NDC1: variants seen among roughly 807,000 people sequenced by gnomAD.
The protein encoded by NDC1 is NDC1 transmembrane nucleoporin, also known as nucleoporin NDC1.
In NDC1, 24 loss-of-function variants were observed where a neutral mutation model predicts 89.8. The observed-to-expected ratio is 0.27, with a 90% CI of 0.19 to 0.38. NDC1 has a LOEUF of 0.38. NDC1 is among the 10% of genes least tolerant of loss of function. The pLI, the probability that NDC1 is intolerant of heterozygous loss-of-function variation, is 1.00. For missense variants in NDC1, 728 were observed against 797.6 expected, an observed-to-expected ratio of 0.91 and a Z score of 1.05; for synonymous variants, 296 against 284.8, an observed-to-expected ratio of 1.04 and a Z score of -0.39.
intron 14 of NDC1, among the ~76,000 whole-genome samples, chr1:53,791,212 G>A (rs991020910): frequency 2.6e-5 from 4 of 152,096 alleles, no homozygotes; most frequent in African/African-American, 4.8e-5. Context: ...GCGGTCAGGA[G>A]ATCGAGACCA....
At chr1:53,791,936 TC>T (rs1208270025) in intron 14 of NDC1, among the ~76,000 whole-genome samples, 1 of 150,804 alleles carries the variant, frequency 6.6e-6, no homozygotes, top group Admixed American at 6.6e-5. Context: ...TGAGTTATTT[TC>T]CCCTTCTTCT....
intron 13 of NDC1, among the ~76,000 whole-genome samples, chr1:53,794,533 G>A (rs1376489822): frequency 6.6e-6 from 1 of 152,056 alleles, no homozygotes; most frequent in Non-Finnish European, 1.5e-5. Context: ...CTATTAATCA[G>A]TCATTCCATC....
At position 53,803,936 on chromosome 1, in the gene NDC1, C is replaced by A. The variant is rs770583868; in HGVS notation, c.1058G>T (p.Ser353Ile). 2 of 1,612,740 alleles carry A rather than the reference C, an allele frequency of 1.2e-6. No homozygotes were observed. The highest frequency in any genetic ancestry group is 2.2e-5 in the East Asian group (1 of 44,866). Residue 353 changes from serine (S) to isoleucine (I), a missense_variant, in exon 10 of 18, where the codon AGC becomes ATC. Coordinates refer to ENST00000371429, the MANE Select transcript of NDC1 (RefSeq NM_018087.5). The part of the protein sequence containing the change: ...PSRRQEVFSL[S>I]QPGGHPHNWT... Reference sequence around the variant, plus strand: ...ATTACTTTTAGCAATACCTGGTTGGCTGAGGCTGAAAACTTCTTGTCTTCG... The same window carrying A: ...ATTACTTTTAGCAATACCTGGTTGGATGAGGCTGAAAACTTCTTGTCTTCG...
At chr1:53,776,277 TC>T (rs1222950275) in intron 16 of NDC1, among the ~76,000 whole-genome samples, 1 of 152,006 alleles carries the variant, frequency 6.6e-6, no homozygotes, top group Non-Finnish European at 1.5e-5. Context: ...TCTTATATGA[TC>T]AATTTCACCA....
intron 16 of NDC1, among the ~76,000 whole-genome samples, chr1:53,784,734 T>C (rs952550455): frequency 6.6e-6 from 1 of 151,660 alleles, no homozygotes; most frequent in African/African-American, 2.4e-5. Flanking sequence ...CAGCTTGCAG[T>C]GAGCTGAGAT....
intron 1 of NDC1, among the ~76,000 whole-genome samples, chr1:53,836,150 T>G (rs1415656353): frequency 6.6e-6 from 1 of 152,196 alleles, no homozygotes; most frequent in African/African-American, 2.4e-5. Flanking sequence ...CAAATTCATG[T>G]TGCTCAAGGT....
intron 11 of NDC1, among the ~76,000 whole-genome samples, chr1:53,800,370 T>C (rs1243296136): frequency 8.6e-6 from 1 of 116,468 alleles, no homozygotes; most frequent in Non-Finnish European, 1.6e-5. Context: ...ACAGTCTCAC[T>C]CTGTCGCCAG....
intron 8 of NDC1, among the ~76,000 whole-genome samples, chr1:53,807,012 C>T (rs1648129935): frequency 6.6e-6 from 1 of 151,762 alleles, no homozygotes; most frequent in Non-Finnish European, 1.5e-5. Flanking sequence ...TTTAAGAGGT[C>T]GAGGACAGAT....
At chr1:53,819,719 T>A (rs1215805394) in intron 5 of NDC1, among the ~76,000 whole-genome samples, 1 of 152,224 alleles carries the variant, frequency 6.6e-6, no homozygotes, top group Admixed American at 6.5e-5. Context: ...TCAAGAATTG[T>A]GAGTTCTAGT....
intron 14 of NDC1, among the ~76,000 whole-genome samples, chr1:53,789,764 A>C (rs1164696169): frequency 1.4e-5 from 2 of 147,998 alleles, no homozygotes; most frequent in Non-Finnish European, 3.0e-5. Flanking sequence ...GCGCCATTGC[A>C]CTCCAGCCTG....
At chr1:53,784,594 C>T (rs1041430854) in intron 16 of NDC1, among the ~76,000 whole-genome samples, 6 of 152,174 alleles carry the variant, frequency 3.9e-5, no homozygotes, top group Non-Finnish European at 8.8e-5. Flanking sequence ...AGATCAAGAT[C>T]GTCCTGGCTA....
chr1:53,804,500 A>G (rs1290512762), intron 9 of NDC1, among the ~76,000 whole-genome samples: 2 of 152,002 alleles, frequency 1.3e-5, no homozygotes, highest in Admixed American at 1.3e-4. Flanking sequence ...TTTTTGAGAC[A>G]AAGTCTCACT....
At chr1:53,816,768 G>GA (rs909987088) in intron 6 of NDC1, among the ~76,000 whole-genome samples, 46 of 150,836 alleles carry the variant, frequency 3.0e-4, no homozygotes, top group Non-Finnish European at 5.0e-4. Flanking sequence ...AAATCAGTAA[G>GA]AAAAAAAACA....
At chr1:53,837,423 A>G (rs1388074912) in intron 1 of NDC1, among the ~76,000 whole-genome samples, 1 of 152,196 alleles carries the variant, frequency 6.6e-6, no homozygotes, top group Non-Finnish European at 1.5e-5. Context: ...AAATACAAAA[A>G]TTAGCTGGGC....
intron 17 of NDC1, 52 bp downstream of exon 17, chr1:53,772,277 A>C: frequency 6.5e-7 from 1 of 1,533,360 alleles, no homozygotes; most frequent in South Asian, 1.2e-5. Flanking sequence ...CCTATTTCTA[A>C]GGAAAGCTCC....
chr1:53,770,262 C>T (rs898149703), intron 17 of NDC1, among the ~76,000 whole-genome samples: 12 of 151,540 alleles, frequency 7.9e-5, no homozygotes, highest in African/African-American at 2.7e-4. Context: ...GAAACTAAGG[C>T]GGAATTTCAT....
At chr1:53,812,630 A>G (rs1211836077) in intron 6 of NDC1, among the ~76,000 whole-genome samples, 1 of 152,242 alleles carries the variant, frequency 6.6e-6, no homozygotes, top group East Asian at 1.9e-4. Context: ...AAACTTAAGA[A>G]TAATCGATGT....
At chr1:53,772,539 C>T (rs1347663036) in intron 16 of NDC1, 50 bp from the exon 17 acceptor site, 2 of 1,573,998 alleles carry the variant, frequency 1.3e-6, no homozygotes, top group East Asian at 2.2e-5. Flanking sequence ...GAAAGCCAAC[C>T]TAGGCCAGGT....
intron 16 of NDC1, among the ~76,000 whole-genome samples, chr1:53,778,295 A>T (rs894534945): frequency 1.3e-5 from 2 of 149,158 alleles, no homozygotes; most frequent in Admixed American, 6.7e-5. Context: ...ACACACACAC[A>T]CTGTCACATT....
Sources: allele counts gnomAD v4.1 joint callset (sites outside exome capture counted in the v4.1 genomes callset), GRCh38; gene constraint gnomAD v4.1.1; transcripts MANE v1.5; gene names NCBI Gene and HGNC (gene_info 2026-07-23, HGNC 2026-07-21).